The following SLC35F4 variants were observed in gnomAD, a reference collection of about 807,000 sequenced individuals.
SLC35F4 encodes the protein solute carrier family 35 member F4.
SLC35F4 carries 24 observed loss-of-function variants against 44.2 expected under a neutral mutation model. That is an observed-to-expected ratio of 0.54 (90% confidence interval 0.39 to 0.76). SLC35F4 has a LOEUF of 0.76. SLC35F4 is among the 30% of genes least tolerant of loss of function. The pLI is 0.00. For synonymous variants in SLC35F4, 238 were observed against 223.6 expected (o/e 1.06, Z -0.57); for missense variants, 562 against 586.1 (o/e 0.96, Z 0.42).
chr14:57,885,494 A>G (rs1442632219), intron 1 of SLC35F4, among the ~76,000 whole-genome samples: 1 of 152,040 alleles, frequency 6.6e-6, no homozygotes, highest in Non-Finnish European at 1.5e-5. Flanking sequence ...TTGTTTAAAT[A>G]AAATATGTTT....
chr14:57,634,196 C>T (rs2072917731), intron 1 of SLC35F4, among the ~76,000 whole-genome samples: 3 of 152,032 alleles, frequency 2.0e-5, no homozygotes, highest in East Asian at 1.9e-4. Flanking sequence ...TCTTTCATGG[C>T]GTCTAAAGAG....
At chr14:57,816,077 T>C (rs1218619732) in intron 1 of SLC35F4, among the ~76,000 whole-genome samples, 3 of 152,180 alleles carry the variant, frequency 2.0e-5, no homozygotes, top group African/African-American at 4.8e-5. Flanking sequence ...ACATTGTTCT[T>C]TCAAGACACA....
intron 1 of SLC35F4, among the ~76,000 whole-genome samples, chr14:57,947,995 G>C (rs1412504062): frequency 6.6e-6 from 1 of 151,786 alleles, no homozygotes; most frequent in East Asian, 1.9e-4. Context: ...TTCTTTTTTT[G>C]TATATCCTTC....
chr14:57,588,810 G>C (rs2069964004), intron 3 of SLC35F4, among the ~76,000 whole-genome samples: 1 of 152,094 alleles, frequency 6.6e-6, no homozygotes. Flanking sequence ...TTCTGGGCTT[G>C]ATGCACTGGG....
chr14:57,857,181 A>G (rs977428626), intron 1 of SLC35F4, among the ~76,000 whole-genome samples: 1 of 151,764 alleles, frequency 6.6e-6, no homozygotes, highest in Non-Finnish European at 1.5e-5. Context: ...GGAGGTGGAG[A>G]CAGGAGAATC....
At chr14:57,668,434 G>T (rs1441690497) in intron 1 of SLC35F4, among the ~76,000 whole-genome samples, 2 of 151,964 alleles carry the variant, frequency 1.3e-5, no homozygotes, top group Non-Finnish European at 2.9e-5. Context: ...GTATTGCCTG[G>T]GTTTTCTTCT....
chr14:57,782,309 T>C (rs946370696), intron 1 of SLC35F4, among the ~76,000 whole-genome samples: 6 of 151,678 alleles, frequency 4.0e-5, no homozygotes, highest in African/African-American at 1.5e-4. Flanking sequence ...TTTTTCAATA[T>C]ACTGGGAAAT....
chr14:57,693,268 A>G (rs142305959), intron 1 of SLC35F4, among the ~76,000 whole-genome samples: 265 of 152,316 alleles, frequency 1.7e-3, no homozygotes, highest in African/African-American at 5.7e-3. Context: ...TTCCAACAAT[A>G]AAATATTATT....
intron 1 of SLC35F4, among the ~76,000 whole-genome samples, chr14:57,771,562 A>G (rs562972767): frequency 3.1e-5 from 1 of 32,414 alleles, no homozygotes; most frequent in South Asian, 6.3e-4. Context: ...GTCACTTCAC[A>G]AATTTTTTCA....
At chr14:57,586,717 C>CAAAAAAAAAAAAAAAAAA (rs543963927) in intron 3 of SLC35F4, among the ~76,000 whole-genome samples, 6 of 12,496 alleles carry the variant, frequency 4.8e-4, no homozygotes, top group African/African-American at 6.4e-4. Context: ...GACTCTGTCT[C>CAAAAAAAAAAAAAAAAAA]AAAAAAAAAA....
intron 1 of SLC35F4, among the ~76,000 whole-genome samples, chr14:57,880,100 GGAAGGAAGGA>G (rs1888500448): frequency 3.4e-5 from 4 of 118,874 alleles, no homozygotes; most frequent in Non-Finnish European, 5.5e-5. Flanking sequence ...AAGGAAGGAA[GGAAGGAAGGA>G]CAGTAGATCT....
At position 57,811,639 on chromosome 14, in the gene SLC35F4, G is replaced by C. The variant is rs986244609; in HGVS notation, c.103+54084C>G. 3.9e-5 allele frequency among the ~76,000 whole-genome samples: 6 copies of C among 152,232 alleles called. No individual in the cohort carries two copies. In the South Asian group the frequency reaches 6.2e-4, roughly 16 times the overall value. On this transcript the variant is annotated intron_variant, in intron 1 of 7. Transcript: ENST00000556826. Reference sequence around the variant, plus strand: ...AATACAAAAAGAGGAAACTCTGGAAGATGGACAGAACATTGCATAACAAAA... The same window carrying C: ...AATACAAAAAGAGGAAACTCTGGAACATGGACAGAACATTGCATAACAAAA...
intron 4 of SLC35F4, among the ~76,000 whole-genome samples, chr14:57,575,346 T>G (rs1166734465): frequency 6.6e-6 from 1 of 152,172 alleles, no homozygotes; most frequent in African/African-American, 2.4e-5. Flanking sequence ...CGTGCTTTGG[T>G]GGCACATGCC....
chr14:57,911,876 T>C (rs953336001), intron 1 of SLC35F4, among the ~76,000 whole-genome samples: 32 of 152,014 alleles, frequency 2.1e-4, no homozygotes, highest in Admixed American at 2.0e-3. Flanking sequence ...CTTAACTGTT[T>C]GGTAGAGTTT....
chr14:57,892,944 G>A (rs1047305811), intron 1 of SLC35F4, among the ~76,000 whole-genome samples: 1 of 152,196 alleles, frequency 6.6e-6, no homozygotes, highest in Non-Finnish European at 1.5e-5. Context: ...TCTGTGAGTA[G>A]CTCTTATTAT....
chr14:57,713,168 T>C (rs1290322097), intron 1 of SLC35F4, among the ~76,000 whole-genome samples: 1 of 152,220 alleles, frequency 6.6e-6, no homozygotes, highest in Non-Finnish European at 1.5e-5. Context: ...GTTTAAGTCT[T>C]ATTATCTGTC....
At chr14:57,650,241 T>A (rs778014836) in intron 1 of SLC35F4, among the ~76,000 whole-genome samples, 16 of 152,120 alleles carry the variant, frequency 1.1e-4, no homozygotes, top group Non-Finnish European at 2.4e-4. Context: ...GTCTCTAGCC[T>A]TGGCTTTCCC....
At chr14:57,976,705 C>T (rs1028452487), downstream of SLC35F4, 1 of 152,194 alleles carries the variant, frequency 6.6e-6, no homozygotes, top group African/African-American at 2.4e-5. Flanking sequence ...AGTGCCTTCA[C>T]TAGAACAAAT....
At chr14:57,612,546 G>T (rs2071576859) in intron 1 of SLC35F4, among the ~76,000 whole-genome samples, 1 of 152,100 alleles carries the variant, frequency 6.6e-6, no homozygotes, top group African/African-American at 2.4e-5. Context: ...TGTAATTTCT[G>T]GTTTATTTAT....
Sources: gnomAD v4.1 joint callset for allele counts (sites outside exome capture counted in the v4.1 genomes callset) on GRCh38, gnomAD v4.1.1 for gene constraint, MANE v1.5 for transcripts, NCBI Gene and HGNC (gene_info 2026-07-23, HGNC 2026-07-21) for gene names.